Variants in GABRB1 observed in about 807,000 individuals in gnomAD.
The protein encoded by GABRB1 is gamma-aminobutyric acid type A receptor subunit beta1, also known as gamma-aminobutyric acid receptor subunit beta-1.
Under a neutral mutation model 51.6 loss-of-function variants are expected in GABRB1, and 17 were observed. The observed-to-expected ratio is 0.33, with a 90% confidence interval of 0.23 to 0.49. The LOEUF is 0.49. Among genes scored for constraint, GABRB1 ranks in the 20% least tolerant of loss-of-function variants. GABRB1 has a pLI of 0.99. For missense variants in GABRB1, 410 were observed against 600.6 expected (o/e 0.68, Z 3.32); for synonymous variants, 247 against 218.9 (o/e 1.13, Z -1.14).
At chr4:47,349,737 G>A (rs192283456) in intron 5 of GABRB1, among the ~76,000 whole-genome samples, 206 of 152,264 alleles carry the variant, frequency 1.4e-3, no homozygotes, top group African/African-American at 4.1e-3. Context: ...ACACATGTAC[G>A]CCCATGCGGA....
intron 3 of GABRB1, among the ~76,000 whole-genome samples, chr4:47,095,837 A>T (rs1321736218): frequency 6.6e-6 from 1 of 152,232 alleles, no homozygotes; most frequent in East Asian, 1.9e-4. Flanking sequence ...CTTTACCTGG[A>T]ATTTAAATGA....
At chr4:47,353,381 C>A (rs1378483954) in intron 5 of GABRB1, among the ~76,000 whole-genome samples, 3 of 152,180 alleles carry the variant, frequency 2.0e-5, no homozygotes, top group African/African-American at 7.2e-5. Flanking sequence ...CTTGATGTTT[C>A]CCTTACAAAT....
intron 5 of GABRB1, among the ~76,000 whole-genome samples, chr4:47,377,899 C>G (rs925464190): frequency 6.6e-6 from 1 of 152,136 alleles, no homozygotes; most frequent in African/African-American, 2.4e-5. Context: ...TACAGAGTGC[C>G]GATTGGTGTA....
chr4:47,256,873 A>G (rs536903195), intron 4 of GABRB1, among the ~76,000 whole-genome samples: 44 of 152,306 alleles, frequency 2.9e-4, no homozygotes, highest in African/African-American at 1.0e-3. Context: ...AATCCAAACC[A>G]TATCAGGTAT....
At chr4:47,062,677 A>C (rs1045609470) in intron 3 of GABRB1, among the ~76,000 whole-genome samples, 9 of 152,162 alleles carry the variant, frequency 5.9e-5, no homozygotes. Context: ...AATAGTGGAA[A>C]GAAAACTGTT....
chr4:47,023,242 A>G (rs922565616), intron 1 of GABRB1, among the ~76,000 whole-genome samples: 1 of 152,058 alleles, frequency 6.6e-6, no homozygotes, highest in African/African-American at 2.4e-5. Context: ...AGAAAAAATG[A>G]TGAGACTTAC....
chr4:47,219,527 G>A (rs1321062045), intron 4 of GABRB1, among the ~76,000 whole-genome samples: 2 of 151,626 alleles, frequency 1.3e-5, no homozygotes, highest in Non-Finnish European at 2.9e-5. Flanking sequence ...ATTACATTTG[G>A]GCCATTGTAG....
At chr4:47,356,059 C>T (rs1298321238) in intron 5 of GABRB1, among the ~76,000 whole-genome samples, 1 of 152,158 alleles carries the variant, frequency 6.6e-6, no homozygotes, top group South Asian at 2.1e-4. Flanking sequence ...TAGCACACTG[C>T]TTGACACCTA....
chr4:47,160,702 A>T (rs1209787548), intron 3 of GABRB1, among the ~76,000 whole-genome samples: 1 of 151,976 alleles, frequency 6.6e-6, no homozygotes, highest in Non-Finnish European at 1.5e-5. Context: ...TATTTGCTCT[A>T]TATTGGTGGA....
intron 4 of GABRB1, among the ~76,000 whole-genome samples, chr4:47,245,189 A>G (rs772594132): frequency 3.3e-5 from 5 of 152,208 alleles, no homozygotes; most frequent in Non-Finnish European, 5.9e-5. Context: ...ACAGAAATAC[A>G]AACTACCATC....
chr4:47,326,978 C>T (rs1725285021), intron 5 of GABRB1, among the ~76,000 whole-genome samples: 1 of 152,130 alleles, frequency 6.6e-6, no homozygotes, highest in South Asian at 2.1e-4. Flanking sequence ...TAAACCTAGT[C>T]TAGTACCTGA....
chr4:47,295,020 A>G (rs1193911949), intron 4 of GABRB1, among the ~76,000 whole-genome samples: 1 of 152,220 alleles, frequency 6.6e-6, no homozygotes, highest in African/African-American at 2.4e-5. Flanking sequence ...ACCTCTAGCA[A>G]ACTCCAACAG....
intron 3 of GABRB1, among the ~76,000 whole-genome samples, chr4:47,070,997 G>A (rs1560520490): frequency 1.3e-5 from 2 of 152,040 alleles, no homozygotes; most frequent in South Asian, 2.1e-4. Context: ...ATTCCCAGCC[G>A]CTACTGTGAC....
At chr4:47,414,319 G>C (rs543391566) in intron 8 of GABRB1, among the ~76,000 whole-genome samples, 1 of 152,308 alleles carries the variant, frequency 6.6e-6, no homozygotes, top group South Asian at 2.1e-4. Flanking sequence ...ACATTTTAGG[G>C]AGACATGAGA....
chr4:47,062,484 C>T (rs1726886574), intron 3 of GABRB1, among the ~76,000 whole-genome samples: 1 of 151,078 alleles, frequency 6.6e-6, no homozygotes, highest in Admixed American at 6.6e-5. Flanking sequence ...TGTAACAATT[C>T]AGTAAAACAG....
At position 47,426,137 on chromosome 4, in the gene GABRB1, T is replaced by G; in HGVS notation, c.*119T>G. 1 of 807,374 alleles carries G rather than the reference T, an allele frequency of 1.2e-6. No individual in the cohort carries two copies. Among genetic ancestry groups the G allele is most frequent in the Non-Finnish European group, 1.9e-6 (1 of 517,154 alleles). 50.0% of individuals were successfully genotyped at this position (807,374 alleles called of 1,614,324 possible). A position where few individuals can be genotyped will look rare whatever the true frequency, so the allele number is the denominator to read the frequency against. The stretch of plus-strand genomic sequence containing the variant: ...TAAGAGATTCAGCCATCCAATTGGT[T>G]TTAGGTCTTGCATATCAGTTTTATT... On this transcript the variant is annotated 3_prime_UTR_variant, in exon 9 of 9. Coordinates refer to ENST00000295454, the MANE Select transcript of GABRB1 (RefSeq NM_000812.4).
intron 3 of GABRB1, among the ~76,000 whole-genome samples, chr4:47,067,880 T>C (rs766359523): frequency 8.5e-5 from 13 of 152,078 alleles, no homozygotes; most frequent in Non-Finnish European, 1.6e-4. Flanking sequence ...CTCCCTCCCC[T>C]TAACCCCACT....
At chr4:47,341,862 A>G (rs1271103703) in intron 5 of GABRB1, among the ~76,000 whole-genome samples, 1 of 152,204 alleles carries the variant, frequency 6.6e-6, no homozygotes, top group Non-Finnish European at 1.5e-5. Flanking sequence ...GTAGTTTATT[A>G]AGTCACATCT....
At chr4:47,258,776 C>G (rs546550915) in intron 4 of GABRB1, among the ~76,000 whole-genome samples, 1 of 152,150 alleles carries the variant, frequency 6.6e-6, no homozygotes, top group African/African-American at 2.4e-5. Context: ...TGGCCAAAAG[C>G]TGTTAAATTT....
Sources: allele counts gnomAD v4.1 joint callset (sites outside exome capture counted in the v4.1 genomes callset), GRCh38; gene constraint gnomAD v4.1.1; transcripts MANE v1.5; gene names NCBI Gene and HGNC (gene_info 2026-07-23, HGNC 2026-07-21).